Variants in ABCA3 observed in about 807,000 individuals in gnomAD.
The protein encoded by ABCA3 is phospholipid-transporting ATPase ABCA3.
Under a neutral mutation model 172.8 loss-of-function variants are expected in ABCA3, and 88 were observed. That is an observed-to-expected ratio of 0.51 (90% CI 0.43 to 0.61). The LOEUF is 0.61. Ranked by LOEUF, ABCA3 falls within the 20% of genes least tolerant of loss-of-function variation. The pLI is 0.00. For synonymous variants in ABCA3, 1,066 were observed against 983.8 expected (o/e 1.08, Z -1.56); for missense variants, 2,164 against 2,301.0 (o/e 0.94, Z 1.22).
rs969244249 is a variant in ABCA3 at position 2,313,572 on chromosome 16, A to T, written c.1111+3711T>A. On this transcript the variant is annotated intron_variant, in intron 10 of 32. Coordinates refer to ENST00000301732, the MANE Select transcript of ABCA3 (RefSeq NM_001089.3). ...TGTCACAAAAAAAAAAAAAAAAAAAAGAAGAAAGGGGGTTGTAAAAGTATA... is the reference window on the plus strand; with the variant it reads ...TGTCACAAAAAAAAAAAAAAAAAAATGAAGAAAGGGGGTTGTAAAAGTATA... Among the ~76,000 whole-genome samples the T allele has an allele frequency of 5.4e-5, 8 of 147,856 alleles. 1 individual carries two copies. The highest frequency in any genetic ancestry group is 1.5e-4 in the African/African-American group (6 of 40,180).
chr16:2,301,187 C>T (rs1172453229), intron 12 of ABCA3, among the ~76,000 whole-genome samples: 1 of 147,000 alleles, frequency 6.8e-6, no homozygotes, highest in Non-Finnish European at 1.5e-5. Context: ...GCCGAGATGG[C>T]ACCACTGTAC....
chr16:2,333,529 G>C (rs926414031), intron 1 of ABCA3, among the ~76,000 whole-genome samples: 2 of 152,214 alleles, frequency 1.3e-5, no homozygotes, highest in Non-Finnish European at 2.9e-5. Context: ...TATGCGCACT[G>C]AGGCACGGAG....
rs1489664032 is a variant in ABCA3 at position 2,297,618 on chromosome 16, G to A, written c.2053-79C>T. 1.5e-5 allele frequency: 24 copies of A among 1,594,412 alleles called. 1 individual carries two copies. Among genetic ancestry groups the A allele is most frequent in the South Asian group, 1.2e-4 (11 of 90,566 alleles). ...GGCTGGCCTTGCGGTAGGCCCCATC[G>A]AGGGGTTCGCGGAGCCGGCTTGAGT... On this transcript the variant is annotated intron_variant, in intron 16 of 32. Coordinates refer to ENST00000301732, the MANE Select transcript of ABCA3 (RefSeq NM_001089.3). This position sits in a 1 kb window ranked among gnomAD's most constrained non-coding sequence, Gnocchi z 5.6.
chr16:2,336,720 G>A (rs181509426), intron 1 of ABCA3, among the ~76,000 whole-genome samples: 202 of 150,908 alleles, frequency 1.3e-3, no homozygotes, highest in Admixed American at 4.9e-3. Flanking sequence ...GATTACAGGC[G>A]TGAGCCACCT....
chr16:2,278,866 G>A lies in ABCA3; in HGVS notation c.4547+77C>T, dbSNP rs554203666. On this transcript the variant is annotated intron_variant, in intron 29 of 32. Coordinates refer to ENST00000301732, the MANE Select transcript of ABCA3 (RefSeq NM_001089.3). The surrounding 1 kb of genome is among the most constrained non-coding windows in gnomAD (Gnocchi z 4.4). ...AGGAGCTCTGGCTGCTGACCTGAGC[G>A]GTCACTCCCAGCTCTATGCTATGGG... is the stretch of plus-strand genomic sequence containing the variant. 4.2e-5 allele frequency: 67 copies of A among 1,590,950 alleles called. No individual in the cohort carries two copies. Among genetic ancestry groups the A allele is most frequent in the East Asian group, 3.6e-4 (16 of 44,754 alleles).
Position 2,285,716 on chromosome 16 carries a change from G to T in ABCA3, c.3279-70C>A. ...GGTGGCAGGAGAGGTCGGGTTCTCG[G>T]TTATGACCGCCCAAGGCATGCAGGG... On this transcript the variant is annotated intron_variant, in intron 22 of 32. Coordinates refer to ENST00000301732, the MANE Select transcript of ABCA3 (RefSeq NM_001089.3). The surrounding 1 kb of genome is among the most constrained non-coding windows in gnomAD (Gnocchi z 4.7). The T allele has an allele frequency of 6.8e-7, 1 of 1,481,036 alleles. No homozygotes were observed. Among genetic ancestry groups the T allele is most frequent in the Non-Finnish European group, 9.2e-7 (1 of 1,087,384 alleles). 91.7% of individuals were successfully genotyped at this position (1,481,036 alleles called of 1,614,324 possible).
chr16:2,297,834 T>A lies in ABCA3; in HGVS notation c.1984A>T (p.Ser662Cys). 1 of 1,613,752 alleles carries A rather than the reference T, an allele frequency of 6.2e-7. No individual in the cohort carries two copies. Among genetic ancestry groups the A allele is most frequent in the Non-Finnish European group, 8.5e-7 (1 of 1,180,028 alleles). The change falls in exon 16 of 33, where the codon AGC becomes TGC. Residue 662 changes from serine to cysteine, a missense_variant. By Grantham distance (112) the Ser-to-Cys change is moderately radical. Coordinates refer to ENST00000301732, the MANE Select transcript of ABCA3 (RefSeq NM_001089.3). The surrounding 1 kb of genome is among the most constrained non-coding windows in gnomAD (Gnocchi z 5.6). Reference protein sequence around the residue: ...IGLEDKWNSRSRFLSGGMRRK... With the variant: ...IGLEDKWNSRCRFLSGGMRRK... ...CTCATGCCCCCGCTCAGGAAGCGGC[T>A]CCGTGAGTTCCACTTGTCCTCCAGG...
intron 28 of ABCA3, among the ~76,000 whole-genome samples, chr16:2,280,348 A>G (rs1448062470): frequency 5.3e-5 from 8 of 152,282 alleles, no homozygotes; most frequent in Admixed American, 5.2e-4. Flanking sequence ...GCTTCCAGCC[A>G]TGGTACCATC....
chr16:2,299,346 A>T lies in ABCA3; in HGVS notation c.1741+57T>A. ...AGGGAGTGAGGCGGGGCTGGCGCTG[A>T]GATGGTGTTAAAGGGGGGCCTGCTG... On this transcript the variant is annotated intron_variant, in intron 14 of 32. Coordinates refer to ENST00000301732, the MANE Select transcript of ABCA3 (RefSeq NM_001089.3). The T allele has an allele frequency of 1.1e-5, 17 of 1,606,790 alleles. No individual in the cohort carries two copies. In the South Asian group the frequency reaches 1.9e-4, roughly 18 times the overall value.
chr16:2,308,939 C>T (rs1190114489), intron 10 of ABCA3, among the ~76,000 whole-genome samples: 1 of 152,146 alleles, frequency 6.6e-6, no homozygotes, highest in Non-Finnish European at 1.5e-5. Flanking sequence ...CTGATTCCCG[C>T]CTAAGCCCCA....
intron 12 of ABCA3, 104 bp downstream of exon 12, chr16:2,303,865 G>A (rs758552635): frequency 2.9e-5 from 38 of 1,310,996 alleles, no homozygotes; most frequent in African/African-American, 4.4e-5. Flanking sequence ...CCAGCCCCAC[G>A]CAGGTGCTGC....
At chr16:2,299,873 C>A in intron 13 of ABCA3, 132 bp downstream of exon 13, 1 of 1,347,088 alleles carries the variant, frequency 7.4e-7, no homozygotes, top group South Asian at 1.2e-5. Context: ...GGGTTCCTGC[C>A]CTCCTTCAGG....
At chr16:2,308,058 A>G (rs2093700582) in intron 11 of ABCA3, among the ~76,000 whole-genome samples, 1 of 152,198 alleles carries the variant, frequency 6.6e-6, no homozygotes, top group Non-Finnish European at 1.5e-5. Flanking sequence ...GTGAGACCCC[A>G]TCTCTATAAA....
chr16:2,336,207 T>C (rs1174620301), intron 1 of ABCA3, among the ~76,000 whole-genome samples: 1 of 152,190 alleles, frequency 6.6e-6, no homozygotes, highest in East Asian at 1.9e-4. Flanking sequence ...ACTGTCTATA[T>C]GAACATTTAC....
At chr16:2,340,130 C>T (rs1030330855) in intron 1 of ABCA3, among the ~76,000 whole-genome samples, 8 of 152,360 alleles carry the variant, frequency 5.3e-5, no homozygotes, top group African/African-American at 1.9e-4. Flanking sequence ...GGCATCCCTG[C>T]GGCCGGAAAG....
chr16:2,284,859 G>A lies in ABCA3; in HGVS notation c.3623C>T (p.Thr1208Ile). The A allele has an allele frequency of 6.2e-7, 1 of 1,613,918 alleles. No homozygotes were observed. Among genetic ancestry groups the A allele is most frequent in the Non-Finnish European group, 8.5e-7 (1 of 1,179,986 alleles). ...GAAGATGGTCAGCCTCGTGTAGGCA[G>A]TGGCCGCCCCCAAGAAGAAGAAGTT... is the stretch of plus-strand genomic sequence containing the variant. ...LMNFFFLGAA[T>I]AYTRLTIFNI... The change falls in exon 24 of 33, where the codon ACT becomes ATT. Residue 1208 changes from threonine to isoleucine, a missense_variant. Physicochemically the swap from Thr to Ile is moderately conservative, Grantham distance 89. Transcript: ENST00000301732. This position sits in a 1 kb window ranked among gnomAD's most constrained non-coding sequence, Gnocchi z 5.9.
intron 8 of ABCA3, 57 bp from the exon 9 acceptor site, chr16:2,317,821 T>A: frequency 6.5e-7 from 1 of 1,529,814 alleles, no homozygotes. Flanking sequence ...CATGATGGCA[T>A]GTGCCAGGCT....
chr16:2,324,267 G>A (rs1244149128), intron 6 of ABCA3, 137 bp downstream of exon 6: 1 of 1,276,764 alleles, frequency 7.8e-7, no homozygotes. Flanking sequence ...AGACCCAAAG[G>A]AGTGACTGCT....
chr16:2,276,444 TG>T lies in ABCA3; in HGVS notation c.*229del. 1.3e-6 allele frequency: 1 copy of T among 794,820 alleles called. No individual in the cohort carries two copies. Among genetic ancestry groups the T allele is most frequent in the Non-Finnish European group, 2.0e-6 (1 of 492,496 alleles). 49.2% of individuals were successfully genotyped at this position (794,820 alleles called of 1,614,324 possible). ...CAGACTGCCCGGCCTGCCCCAGCTC[TG>T]GGAAAGTGAACTCCAGAGTATGCAG... On this transcript the variant is annotated 3_prime_UTR_variant, in exon 33 of 33. Transcript: ENST00000301732.
Sources: allele counts gnomAD v4.1 joint callset (sites outside exome capture counted in the v4.1 genomes callset), GRCh38; gene constraint gnomAD v4.1.1; non-coding constraint Gnocchi (gnomAD v3.1); transcripts MANE v1.5; gene names NCBI Gene and HGNC (gene_info 2026-07-23, HGNC 2026-07-21).